ZC3H7A: variants seen among roughly 807,000 people sequenced by gnomAD.
ZC3H7A encodes zinc finger CCCH-type containing 7A.
In ZC3H7A, 44 loss-of-function variants were observed where a neutral mutation model predicts 125.5. The ratio of observed to expected loss-of-function variants is 0.35; its 90% confidence interval spans 0.28 to 0.45. ZC3H7A has a LOEUF of 0.45. ZC3H7A is among the 20% of genes least tolerant of loss of function. The pLI, the probability that ZC3H7A is intolerant of heterozygous loss-of-function variation, is 1.00. For missense variants in ZC3H7A, 977 were observed against 1,170.7 expected (o/e 0.83, Z 2.41); for synonymous variants, 399 against 391.2 (o/e 1.02, Z -0.23).
Position 11,755,276 on chromosome 16 carries a change from C to T in ZC3H7A, c.2562+961G>A, listed in dbSNP as rs574061380. 3.8e-4 allele frequency among the ~76,000 whole-genome samples: 58 copies of T among 151,318 alleles called. 1 individual carries two copies. The highest frequency in any genetic ancestry group is 1.4e-3 in the African/African-American group (57 of 41,200). ...TAAACATGGCCTGGAAAAATACACA[C>T]TGGATCTGTTCCCCTGGGGAGGGGA... On this transcript the variant is annotated intron_variant, in intron 21 of 22. Transcript: ENST00000355758.
chr16:11,762,954 C>G, intron 16 of ZC3H7A: 1 of 491,270 alleles, frequency 2.0e-6, no homozygotes. Context: ...AATCTTTCCT[C>G]CCAACAATTG....
In ZC3H7A at chr16:11,765,779, C is replaced by CT; in HGVS notation, c.1523-95_1523-94insA. 2.3e-6 allele frequency: 3 copies of CT among 1,283,132 alleles called. No individual in the cohort carries two copies. The highest frequency in any genetic ancestry group is 3.2e-6 in the Non-Finnish European group (3 of 938,960). 79.5% of individuals were successfully genotyped at this position (1,283,132 alleles called of 1,614,324 possible). ...GGCTGAGGTGGGAGGATCCCTTGAG[C>CT]CCAGGAGTTCAAGGCTGCGGTGAGC... is the stretch of plus-strand genomic sequence containing the variant. On this transcript the variant is annotated intron_variant, in intron 13 of 22. Coordinates refer to ENST00000355758, the MANE Select transcript of ZC3H7A (RefSeq NM_014153.4). The surrounding 1 kb of genome is among the most constrained non-coding windows in gnomAD (Gnocchi z 4.8).
chr16:11,778,752 C>T (rs532350852), intron 4 of ZC3H7A, among the ~76,000 whole-genome samples: 237 of 152,182 alleles, frequency 1.6e-3, no homozygotes, highest in Non-Finnish European at 2.8e-3. Context: ...CTTGCTCTGT[C>T]GCCCAGGCTG....
chr16:11,766,660 A>G (rs1013553086), intron 13 of ZC3H7A, among the ~76,000 whole-genome samples: 6 of 152,258 alleles, frequency 3.9e-5, no homozygotes, highest in Non-Finnish European at 1.5e-5. Flanking sequence ...AGGCAGGCAG[A>G]TAACTTGAGG....
At chr16:11,756,073 G>C (rs184388434) in intron 21 of ZC3H7A, among the ~76,000 whole-genome samples, 164 bp downstream of exon 21, 1 of 152,086 alleles carries the variant, frequency 6.6e-6, no homozygotes, top group East Asian at 2.0e-4. Context: ...TGAGGCAAGA[G>C]AATTGCTTGA....
rs1234265679 is a variant in ZC3H7A at position 11,761,924 on chromosome 16, T to G, written c.2199A>C (p.Ala733=). Residue 733 remains alanine, a synonymous_variant, in exon 18 of 23, where the codon GCA becomes GCC. Transcript: ENST00000355758. ...EPDKNRKYCS[A]KARHSWTKDR... Reference sequence around the variant, plus strand: ...ACAATACTTACGAATGCCTTGCTTTTGCACTACAATATTTTCTGTTTTTGT... The same window carrying G: ...ACAATACTTACGAATGCCTTGCTTTGGCACTACAATATTTTCTGTTTTTGT... The G allele has an allele frequency of 1.2e-6, 2 of 1,612,414 alleles. No homozygotes were observed.
chr16:11,758,813 T>C (rs1216878560), intron 19 of ZC3H7A: 6 of 361,446 alleles, frequency 1.7e-5, no homozygotes, highest in African/African-American at 1.1e-4. Flanking sequence ...CAAACTCACT[T>C]ACTCAGAACA....
chr16:11,782,691 C>T (rs1567391532), intron 1 of ZC3H7A: 1 of 188,282 alleles, frequency 5.3e-6, no homozygotes, highest in Non-Finnish European at 1.1e-5. Context: ...TCTCGGCTCA[C>T]TGCAAACTTC....
chr16:11,786,005 GA>G (rs1184706324), intron 1 of ZC3H7A, among the ~76,000 whole-genome samples: 2 of 152,198 alleles, frequency 1.3e-5, no homozygotes, highest in Non-Finnish European at 2.9e-5. Flanking sequence ...GGAATCATGG[GA>G]GACTACAGCA....
chr16:11,768,119 A>G (rs958639777), intron 12 of ZC3H7A, among the ~76,000 whole-genome samples, 196 bp downstream of exon 12: 2 of 152,326 alleles, frequency 1.3e-5, no homozygotes, highest in South Asian at 4.1e-4. Context: ...AATGACATCA[A>G]ATAAGAGCAG....
intron 1 of ZC3H7A, among the ~76,000 whole-genome samples, chr16:11,793,843 T>A (rs999421326): frequency 2.6e-5 from 4 of 152,200 alleles, no homozygotes; most frequent in East Asian, 3.8e-4. Context: ...GAAAATTTCA[T>A]GAGAGACAGT....
chr16:11,764,322 G>A (rs2052815669), intron 15 of ZC3H7A, among the ~76,000 whole-genome samples: 1 of 152,154 alleles, frequency 6.6e-6, no homozygotes. Flanking sequence ...GCCAAGGCGG[G>A]TGGATCACTT....
intron 9 of ZC3H7A, among the ~76,000 whole-genome samples, chr16:11,772,417 T>C (rs912331076): frequency 2.6e-5 from 4 of 151,740 alleles, no homozygotes; most frequent in Non-Finnish European, 5.9e-5. Flanking sequence ...CCTTACGTTA[T>C]GGTATCATAT....
In ZC3H7A at chr16:11,751,222, C is replaced by T; in HGVS notation, c.*95G>A. On this transcript the variant is annotated 3_prime_UTR_variant, in exon 23 of 23. Coordinates refer to ENST00000355758, the MANE Select transcript of ZC3H7A (RefSeq NM_014153.4). ...GAGGAACGATATACGCCAATACAAGCAGGAAATCTGCAGCTCCTCTGCTAT... is the reference window on the plus strand; with the variant it reads ...GAGGAACGATATACGCCAATACAAGTAGGAAATCTGCAGCTCCTCTGCTAT... The T allele has an allele frequency of 1.5e-6, 2 of 1,319,742 alleles. No individual in the cohort carries two copies. Among genetic ancestry groups the T allele is most frequent in the Non-Finnish European group, 1.0e-6 (1 of 978,428 alleles). 81.8% of individuals were successfully genotyped at this position (1,319,742 alleles called of 1,614,324 possible). A position where few individuals can be genotyped will look rare whatever the true frequency, so the allele number is the denominator to read the frequency against.
chr16:11,764,833 A>C (rs1011145950), intron 15 of ZC3H7A: 8 of 386,322 alleles, frequency 2.1e-5, no homozygotes, highest in African/African-American at 1.5e-4. Context: ...GAGAAACTAT[A>C]CATCAATAAT....
chr16:11,756,147 A>G (rs7198247), intron 21 of ZC3H7A, 90 bp downstream of exon 21: 865,428 of 1,521,966 alleles, frequency 0.57, 253,487 homozygotes, highest in African/African-American at 0.86. Flanking sequence ...TGGTGACACA[A>G]CGAGACTCCA....
chr16:11,785,448 G>C (rs548805279), intron 1 of ZC3H7A, among the ~76,000 whole-genome samples: 39 of 152,166 alleles, frequency 2.6e-4, no homozygotes, highest in African/African-American at 9.4e-4. Flanking sequence ...CAGGGCTGTA[G>C]TGAGCTACGA....
intron 13 of ZC3H7A, among the ~76,000 whole-genome samples, chr16:11,766,995 T>C (rs764668211): frequency 7.3e-5 from 11 of 151,444 alleles, no homozygotes; most frequent in Non-Finnish European, 1.3e-4. Flanking sequence ...AATACTGTTA[T>C]AATAACATAA....
chr16:11,776,739 T>C lies in ZC3H7A; in HGVS notation c.465+12A>G. The C allele has an allele frequency of 6.3e-6, 10 of 1,585,756 alleles. No homozygotes were observed. Among genetic ancestry groups the C allele is most frequent in the Non-Finnish European group, 8.5e-6 (10 of 1,171,574 alleles). On this transcript the variant is annotated intron_variant, in intron 5 of 22. Transcript: ENST00000355758. ...GGTTACGATGTAAACAAATAAACTATAAATTCCATACCTGAGGCACTGCTA... is the reference window on the plus strand; with the variant it reads ...GGTTACGATGTAAACAAATAAACTACAAATTCCATACCTGAGGCACTGCTA...
Sources: allele counts gnomAD v4.1 joint callset (sites outside exome capture counted in the v4.1 genomes callset), GRCh38; gene constraint gnomAD v4.1.1; non-coding constraint Gnocchi (gnomAD v3.1); transcripts MANE v1.5; gene names NCBI Gene and HGNC (gene_info 2026-07-23, HGNC 2026-07-21).